Variants in COL4A5 observed in about 807,000 individuals in gnomAD.
COL4A5 encodes the protein collagen type IV alpha 5 chain.
COL4A5 carries 26 observed loss-of-function variants against 130.2 expected under a neutral mutation model. The observed-to-expected ratio is 0.20, with a 90% confidence interval of 0.15 to 0.28. COL4A5 has a LOEUF of 0.28. Ranked by LOEUF, COL4A5 falls within the 10% of genes least tolerant of loss-of-function variation. The pLI, the probability that COL4A5 is intolerant of heterozygous loss-of-function variation, is 1.00. For synonymous variants in COL4A5, 496 were observed against 439.6 expected (o/e 1.13, Z -1.60); for missense variants, 1,131 against 1,344.3 (o/e 0.84, Z 2.48).
At chrX:108,607,448 C>T (rs752242439) in intron 29 of COL4A5, among the ~76,000 whole-genome samples, 1 of 108,695 alleles carries the variant, frequency 9.2e-6, no homozygotes, top group Non-Finnish European at 1.9e-5. Context: ...CTCCATCCTC[C>T]TGCTTAACTA....
At chrX:108,530,023 T>C (rs747777349) in intron 1 of COL4A5, among the ~76,000 whole-genome samples, 28 of 110,949 alleles carry the variant, frequency 2.5e-4, no homozygotes, top group Non-Finnish European at 4.5e-4. Flanking sequence ...CAAAGAAACA[T>C]TGGGTATAAA....
intron 1 of COL4A5, among the ~76,000 whole-genome samples, chrX:108,449,975 G>A (rs1272873814): frequency 1.2e-4 from 13 of 111,852 alleles, no homozygotes; most frequent in African/African-American, 4.2e-4. Context: ...CACTGATGGT[G>A]AGTAAAATTA....
intron 1 of COL4A5, among the ~76,000 whole-genome samples, chrX:108,521,678 C>T (rs1462512255): frequency 9.0e-6 from 1 of 111,158 alleles, no homozygotes; most frequent in Non-Finnish European, 1.9e-5. Context: ...GTAGCGTTTG[C>T]TGGTGTCTAT....
intron 1 of COL4A5, among the ~76,000 whole-genome samples, chrX:108,535,774 C>T (rs776466327): frequency 7.6e-4 from 84 of 111,201 alleles, no homozygotes; most frequent in African/African-American, 2.7e-3. Context: ...TTTTGGTTTT[C>T]CCTAGATTTT....
At chrX:108,661,255 A>T (rs2067953112) in intron 37 of COL4A5, among the ~76,000 whole-genome samples, 1 of 111,830 alleles carries the variant, frequency 8.9e-6, no homozygotes, top group South Asian at 3.7e-4. Flanking sequence ...TGGAGTGCAT[A>T]TTAGATCACT....
chrX:108,651,280 G>C (rs1165045868), intron 36 of COL4A5, among the ~76,000 whole-genome samples: 1 of 111,681 alleles, frequency 9.0e-6, no homozygotes, highest in Non-Finnish European at 1.9e-5. Flanking sequence ...ATCCTATGAA[G>C]ATACTGAAAA....
At chrX:108,479,647 A>G (rs1474209540) in intron 1 of COL4A5, among the ~76,000 whole-genome samples, 1 of 111,767 alleles carries the variant, frequency 8.9e-6, no homozygotes, top group Non-Finnish European at 1.9e-5. Flanking sequence ...GACCATGGTC[A>G]TTTGACCCAC....
At chrX:108,460,534 G>A (rs1470822855) in intron 1 of COL4A5, among the ~76,000 whole-genome samples, 1 of 109,185 alleles carries the variant, frequency 9.2e-6, no homozygotes, top group East Asian at 2.9e-4. Flanking sequence ...TTGTTGCCCA[G>A]GCTGGAGTGA....
At chrX:108,586,073 T>C (rs1246732337) in intron 18 of COL4A5, among the ~76,000 whole-genome samples, 2 of 111,759 alleles carry the variant, frequency 1.8e-5, no homozygotes, top group Non-Finnish European at 3.8e-5. Flanking sequence ...GAGAGAAGTA[T>C]TGGAAGTGAG....
At chrX:108,462,034 G>A (rs2064659294) in intron 1 of COL4A5, among the ~76,000 whole-genome samples, 1 of 111,696 alleles carries the variant, frequency 9.0e-6, no homozygotes, top group African/African-American at 3.3e-5. Flanking sequence ...GCTCTTTTTG[G>A]GTAGAATATT....
At chrX:108,517,499 G>A (rs776012136) in intron 1 of COL4A5, among the ~76,000 whole-genome samples, 1 of 111,787 alleles carries the variant, frequency 8.9e-6, no homozygotes, top group South Asian at 3.7e-4. Flanking sequence ...GGTTAAATGT[G>A]TATTGGGGAA....
intron 43 of COL4A5, among the ~76,000 whole-genome samples, chrX:108,676,539 T>C (rs989378953): frequency 8.9e-6 from 1 of 112,239 alleles, no homozygotes; most frequent in Non-Finnish European, 1.9e-5. Flanking sequence ...TTTTAAATTA[T>C]TTTGTTTATT....
chrX:108,592,728 G>GT lies in COL4A5; in HGVS notation c.1423+1096dup, dbSNP rs61326888. Among the ~76,000 whole-genome samples the GT allele has an allele frequency of 1.7e-3, 155 of 93,439 alleles. 1 individual carries two copies. In the South Asian group the frequency reaches 0.018, roughly 11 times the overall value. The allele number at this position is 93,439 out of a possible 115,157, so 81.1% of individuals were successfully genotyped here. ...TCCCTTAGCTTTCAGTACATTTCCT[G>GT]TTTTTTTTTTTTCATTCCTCTGTGG... On this transcript the variant is annotated intron_variant, in intron 21 of 52. Transcript: ENST00000328300.
intron 37 of COL4A5, among the ~76,000 whole-genome samples, chrX:108,656,368 A>G (rs1039446100): frequency 8.9e-6 from 1 of 112,358 alleles, no homozygotes; most frequent in African/African-American, 3.2e-5. Flanking sequence ...GCAATATTAC[A>G]TTGAAGAATG....
At chrX:108,550,463 G>A (rs1349779898) in intron 2 of COL4A5, among the ~76,000 whole-genome samples, 1 of 111,474 alleles carries the variant, frequency 9.0e-6, no homozygotes, top group Non-Finnish European at 1.9e-5. Flanking sequence ...TATCTTAATC[G>A]ATAACAAAGA....
intron 1 of COL4A5, among the ~76,000 whole-genome samples, chrX:108,483,738 A>C (rs942671192): frequency 8.9e-6 from 1 of 112,141 alleles, no homozygotes; most frequent in Non-Finnish European, 1.9e-5. Flanking sequence ...TCCCACTGAC[A>C]ATGTACAAGT....
chrX:108,440,562 C>G, intron 1 of COL4A5: 2 of 221,938 alleles, frequency 9.0e-6, no homozygotes, highest in Non-Finnish European at 1.6e-5. Flanking sequence ...CCCTGCCTGG[C>G]GACTAACCTT....
At chrX:108,546,349 A>C (rs1603271421) in intron 2 of COL4A5, among the ~76,000 whole-genome samples, 1 of 111,498 alleles carries the variant, frequency 9.0e-6, no homozygotes, top group Admixed American at 9.5e-5. Context: ...AAAGGATTTT[A>C]TTTCTTCTTC....
intron 1 of COL4A5, among the ~76,000 whole-genome samples, chrX:108,473,633 A>ATATATATATTTTTTTT: frequency 2.9e-4 from 10 of 34,560 alleles, no homozygotes; most frequent in Non-Finnish European, 3.6e-4. Flanking sequence ...ATATATATAT[A>ATATATATATTTTTTTT]TTTTTTTTTT....
Sources: gnomAD v4.1 joint callset for allele counts (sites outside exome capture counted in the v4.1 genomes callset) on GRCh38, gnomAD v4.1.1 for gene constraint, MANE v1.5 for transcripts, NCBI Gene and HGNC (gene_info 2026-07-23, HGNC 2026-07-21) for gene names.